ZXDC: variants seen among roughly 807,000 people sequenced by gnomAD.
ZXDC encodes zinc finger protein ZXDC.
Under a neutral mutation model 63.6 loss-of-function variants are expected in ZXDC, and 58 were observed. That is an observed-to-expected ratio of 0.91 (90% CI 0.74 to 1.13). The LOEUF is 1.13. Ranked by LOEUF, ZXDC falls within the 50% of genes most tolerant of loss-of-function variation. The pLI is 0.00. For synonymous variants in ZXDC, 561 were observed against 496.1 expected, an observed-to-expected ratio of 1.13 and a Z score of -1.74; for missense variants, 1,133 against 1,148.9, an observed-to-expected ratio of 0.99 and a Z score of 0.20.
intron 6 of ZXDC, chr3:126,461,087 T>A (rs539681566): frequency 1.0e-6 from 1 of 985,958 alleles, no homozygotes; most frequent in South Asian, 4.7e-5. Context: ...CCACCCTTTT[T>A]TTTTTTCTTG....
Position 126,472,202 on chromosome 3 carries a change from C to T in ZXDC, c.1011G>A (p.Lys337=). 2 of 1,613,316 alleles carry T rather than the reference C, an allele frequency of 1.2e-6. No homozygotes were observed. The highest frequency in any genetic ancestry group is 1.7e-6 in the Non-Finnish European group (2 of 1,179,252). ...TCAGCCGACAGGCTTTATCATACTG[C>T]TTGCTGCACCCAGGAAAGGAGCAGG... ...LFSCSFPGCS[K]QYDKACRLKI... Residue 337 remains lysine (K), a synonymous_variant, in exon 2 of 10, where the codon AAG becomes AAA. Transcript: ENST00000389709.
intron 4 of ZXDC, among the ~76,000 whole-genome samples, chr3:126,468,903 C>T (rs956841104): frequency 1.3e-5 from 2 of 152,226 alleles, no homozygotes; most frequent in Non-Finnish European, 2.9e-5. Context: ...CCCGTCCCAG[C>T]CACTCCACCG....
intron 8 of ZXDC, chr3:126,441,343 C>G (rs1018252054): frequency 9.9e-7 from 1 of 1,010,884 alleles, no homozygotes; most frequent in African/African-American, 1.7e-5. Flanking sequence ...ACAAGCAGGC[C>G]GCCCTAGAAA....
chr3:126,461,794 T>A lies in ZXDC; in HGVS notation c.1868A>T (p.Asp623Val). The A allele has an allele frequency of 1.2e-6, 2 of 1,613,952 alleles. No individual in the cohort carries two copies. The highest frequency in any genetic ancestry group is 1.7e-6 in the Non-Finnish European group (2 of 1,179,970). ...VALPMKNLSD[D>V]PLALTSNSNL... is the part of the protein sequence containing the mutation. ...ACTATTGGAGGTCAAAGCCAGTGGG[T>A]CGTCACTCAAGTTCTTCATGGGCAG... Residue 623 changes from aspartate (D) to valine (V), a missense_variant, in exon 6 of 10, where the codon GAC becomes GTC. By Grantham distance (152) the Asp-to-Val change is radical. Coordinates refer to ENST00000389709, the MANE Select transcript of ZXDC (RefSeq NM_025112.5).
At chr3:126,448,154 C>T (rs555239775) in intron 7 of ZXDC, among the ~76,000 whole-genome samples, 5 of 152,340 alleles carry the variant, frequency 3.3e-5, no homozygotes, top group African/African-American at 9.6e-5. Context: ...CAGGGCACAC[C>T]GTATGTCTTC....
chr3:126,475,494 G>A lies in ZXDC; in HGVS notation c.372C>T (p.Ala124=), dbSNP rs1485003648. Residue 124 remains alanine (A), a synonymous_variant, in exon 1 of 10, where the codon GCC becomes GCT. Coordinates refer to ENST00000389709, the MANE Select transcript of ZXDC (RefSeq NM_025112.5). ...TGCTGATGGTGACGGCGCCCGCCGG[G>A]GCTACGCCAGGGCCGGGGGGGGCGG... is the stretch of plus-strand genomic sequence containing the variant. ...GPAAPPGPGV[A]PAGAVTISSQ... 3 of 1,229,266 alleles carry A rather than the reference G, an allele frequency of 2.4e-6. No homozygotes were observed. The South Asian group carries it at 9.7e-5, about 40-fold the overall frequency. 76.1% of individuals were successfully genotyped at this position (1,229,266 alleles called of 1,614,324 possible).
Position 126,466,160 on chromosome 3 carries a change from C to T in ZXDC, c.1436G>A (p.Arg479His), listed in dbSNP as rs753731042. 3.1e-6 allele frequency: 5 copies of T among 1,612,476 alleles called. No individual in the cohort carries two copies. Among genetic ancestry groups the T allele is most frequent in the Middle Eastern group, 1.7e-4 (1 of 5,988 alleles). ...KAHMVRQHSR[R>H]QDLLPQLEAP... Reference sequence around the variant, plus strand: ...GGGCCGTGGAAAGTGCAGACCTTGGCGCCGGCTGTGCTGTCTGACCATGTG... The same window carrying T: ...GGGCCGTGGAAAGTGCAGACCTTGGTGCCGGCTGTGCTGTCTGACCATGTG... The change falls in exon 5 of 10, where the codon CGC becomes CAC. Residue 479 changes from arginine (R) to histidine (H), a missense_variant. Physicochemically the swap from Arg to His is conservative, Grantham distance 29. Transcript: ENST00000389709.
intron 1 of ZXDC, among the ~76,000 whole-genome samples, chr3:126,472,764 T>C (rs902840917): frequency 1.3e-5 from 2 of 152,126 alleles, no homozygotes; most frequent in Non-Finnish European, 2.9e-5. Context: ...CCTCTACATA[T>C]CCAAATTTCC....
chr3:126,468,431 T>C (rs866985394), intron 4 of ZXDC, among the ~76,000 whole-genome samples: 13 of 152,016 alleles, frequency 8.6e-5, no homozygotes, highest in African/African-American at 2.7e-4. Context: ...ACCCCAAGAA[T>C]GATCAACTCT....
intron 5 of ZXDC, among the ~76,000 whole-genome samples, chr3:126,465,297 C>T (rs1410497054): frequency 2.0e-5 from 3 of 152,270 alleles, no homozygotes; most frequent in East Asian, 3.8e-4. Flanking sequence ...AGCTGCCAGG[C>T]ACTTCTGTAT....
At chr3:126,446,097 T>C (rs1450654176) in intron 7 of ZXDC, among the ~76,000 whole-genome samples, 4 of 152,210 alleles carry the variant, frequency 2.6e-5, no homozygotes, top group Admixed American at 1.3e-4. Flanking sequence ...TCTCTCACAA[T>C]GGACAACCAC....
chr3:126,452,939 C>T (rs1265274900), intron 7 of ZXDC: 22 of 820,962 alleles, frequency 2.7e-5, no homozygotes, highest in African/African-American at 5.5e-5. Flanking sequence ...GGTCTTACCA[C>T]GTTGCCCAGG....
chr3:126,472,222 A>G lies in ZXDC; in HGVS notation c.991T>C (p.Ser331Pro), dbSNP rs1244248729. ...HFREQELFSC[S>P]FPGCSKQYDK... ...TACTGCTTGCTGCACCCAGGAAAGG[A>G]GCAGGAAAAGAGCTCTTGTTCCCTG... Residue 331 changes from serine (S) to proline (P), a missense_variant, in exon 2 of 10, where the codon TCC (serine) becomes CCC (proline). By Grantham distance (74) the Ser-to-Pro change is moderately conservative. Coordinates refer to ENST00000389709, the MANE Select transcript of ZXDC (RefSeq NM_025112.5). 6.2e-7 allele frequency: 1 copy of G among 1,613,686 alleles called. No homozygotes were observed. Among genetic ancestry groups the G allele is most frequent in the South Asian group, 1.1e-5 (1 of 91,070 alleles).
chr3:126,467,231 G>A (rs922996805), intron 4 of ZXDC, among the ~76,000 whole-genome samples: 22 of 152,208 alleles, frequency 1.4e-4, no homozygotes, highest in Admixed American at 1.2e-3. Context: ...GAGCTGCCCA[G>A]CCAAGGCATG....
Position 126,451,824 on chromosome 3 carries a change from T to C in ZXDC, c.2212+7829A>G, listed in dbSNP as rs894144361. The stretch of plus-strand genomic sequence containing the variant: ...TCTGCTGATACACTCTGGGAAATGA[T>C]TTAACCTTGGGGCCTCAGTGGCACC... On this transcript the variant is annotated intron_variant, in intron 7 of 9. Coordinates refer to ENST00000389709, the MANE Select transcript of ZXDC (RefSeq NM_025112.5). 26 of 985,208 alleles carry C rather than the reference T, an allele frequency of 2.6e-5. No individual in the cohort carries two copies. The African/African-American group carries it at 4.0e-4, about 15-fold the overall frequency. 61.0% of individuals were successfully genotyped at this position (985,208 alleles called of 1,614,324 possible).
intron 7 of ZXDC, chr3:126,454,582 T>C (rs1934237377): frequency 5.1e-6 from 5 of 985,354 alleles, no homozygotes; most frequent in African/African-American, 1.7e-5. Flanking sequence ...GTGCTTCCCA[T>C]GTATTCAATC....
At chr3:126,444,162 C>T (rs750941886) in intron 7 of ZXDC, among the ~76,000 whole-genome samples, 11 of 152,316 alleles carry the variant, frequency 7.2e-5, no homozygotes, top group East Asian at 1.9e-4. Context: ...CCAGAACAGT[C>T]GCATTACGCT....
In ZXDC at chr3:126,457,145, A is replaced by C. The variant is rs1165804075; in HGVS notation, c.2212+2508T>G. The C allele has an allele frequency of 1.2e-5, 6 of 490,990 alleles. No homozygotes were observed. The African/African-American group carries it at 1.2e-4, about 10-fold the overall frequency. 30.4% of individuals were successfully genotyped at this position (490,990 alleles called of 1,614,324 possible). A position where few individuals can be genotyped will look rare whatever the true frequency, so the allele number is the denominator to read the frequency against. On this transcript the variant is annotated intron_variant, in intron 7 of 9. Coordinates refer to ENST00000389709, the MANE Select transcript of ZXDC (RefSeq NM_025112.5). ...CATGGAACCTGGAACAGGGAAGGGC[A>C]CTGGGGGAGTCTGGTCACATTCACA... is the stretch of plus-strand genomic sequence containing the variant.
At chr3:126,464,831 G>A (rs899038362) in intron 5 of ZXDC, among the ~76,000 whole-genome samples, 3 of 152,162 alleles carry the variant, frequency 2.0e-5, no homozygotes, top group Admixed American at 6.5e-5. Flanking sequence ...CGCACATTCC[G>A]TGTCCTCAAG....
Sources: gnomAD v4.1 joint callset for allele counts (sites outside exome capture counted in the v4.1 genomes callset) on GRCh38, gnomAD v4.1.1 for gene constraint, MANE v1.5 for transcripts, NCBI Gene and HGNC (gene_info 2026-07-23, HGNC 2026-07-21) for gene names.